The following MACROD2 variants were observed in gnomAD, a reference collection of about 807,000 sequenced individuals.
The protein encoded by MACROD2 is mono-ADP ribosylhydrolase 2.
MACROD2 carries 36 observed loss-of-function variants against 70.4 expected under a neutral mutation model. The observed-to-expected ratio is 0.51, with a 90% confidence interval of 0.39 to 0.68. The LOEUF is 0.68. Ranked by LOEUF, MACROD2 falls within the 30% of genes least tolerant of loss-of-function variation. The pLI, the probability that MACROD2 is intolerant of heterozygous loss-of-function variation, is 0.00. For synonymous variants in MACROD2, 172 were observed against 178.8 expected (o/e 0.96, Z 0.30); for missense variants, 496 against 538.4 (o/e 0.92, Z 0.78).
chr20:14,026,241 C>T (rs1262445654), intron 2 of MACROD2, among the ~76,000 whole-genome samples: 1 of 152,184 alleles, frequency 6.6e-6, no homozygotes, highest in Non-Finnish European at 1.5e-5. Flanking sequence ...TGTGTCTTTG[C>T]ATGTGAGATG....
chr20:14,579,165 C>G (rs1449983339), intron 4 of MACROD2, among the ~76,000 whole-genome samples: 13 of 120,656 alleles, frequency 1.1e-4, no homozygotes, highest in Non-Finnish European at 2.1e-4. Context: ...GACGGAGTCT[C>G]GCTCTGTCGC....
intron 3 of MACROD2, among the ~76,000 whole-genome samples, chr20:14,171,849 C>A (rs1477020839): frequency 6.6e-6 from 1 of 152,086 alleles, no homozygotes; most frequent in Non-Finnish European, 1.5e-5. Context: ...TCTGTTAAGT[C>A]CATTTGTTCT....
intron 3 of MACROD2, among the ~76,000 whole-genome samples, chr20:14,151,546 T>G (rs1041051327): frequency 1.3e-5 from 2 of 152,166 alleles, no homozygotes; most frequent in African/African-American, 4.8e-5. Flanking sequence ...GCCTTCCCCC[T>G]CTGATCTCAG....
At chr20:15,819,809 T>C (rs2063920056) in intron 8 of MACROD2, among the ~76,000 whole-genome samples, 1 of 151,988 alleles carries the variant, frequency 6.6e-6, no homozygotes, top group South Asian at 2.1e-4. Flanking sequence ...AGATACAAAG[T>C]GGCAGATATA....
At chr20:14,252,954 TA>T (rs2082024523) in intron 3 of MACROD2, among the ~76,000 whole-genome samples, 1 of 152,086 alleles carries the variant, frequency 6.6e-6, no homozygotes. Flanking sequence ...AGCATAAGAT[TA>T]AAATTATATA....
At chr20:15,510,770 A>G (rs2047488140) in intron 8 of MACROD2, among the ~76,000 whole-genome samples, 1 of 152,204 alleles carries the variant, frequency 6.6e-6, no homozygotes, top group African/African-American at 2.4e-5. Context: ...GTCTCTGGCC[A>G]TGCACCGCTG....
At chr20:15,741,092 C>CTTTTTTT (rs397865668) in intron 8 of MACROD2, among the ~76,000 whole-genome samples, 1 of 124,012 alleles carries the variant, frequency 8.1e-6, no homozygotes, top group African/African-American at 3.1e-5. Context: ...GTTATCATAT[C>CTTTTTTT]TTTTTTTTTT....
intron 8 of MACROD2, among the ~76,000 whole-genome samples, chr20:15,615,506 T>C (rs1036828620): frequency 1.1e-4 from 16 of 152,048 alleles, no homozygotes; most frequent in African/African-American, 3.6e-4. Flanking sequence ...CGTGGGGATG[T>C]GTCCATGGAG....
chr20:14,882,204 C>G (rs1443219011), intron 5 of MACROD2, among the ~76,000 whole-genome samples: 1 of 152,096 alleles, frequency 6.6e-6, no homozygotes, highest in Non-Finnish European at 1.5e-5. Context: ...AGAGCTTGGC[C>G]CAGTCACTGA....
intron 5 of MACROD2, among the ~76,000 whole-genome samples, chr20:15,043,421 C>T (rs573256869): frequency 6.6e-6 from 1 of 152,282 alleles, no homozygotes; most frequent in East Asian, 1.9e-4. Flanking sequence ...CTCCAGTGTC[C>T]ATTGGATTCC....
chr20:15,159,495 A>G (rs892184790), intron 5 of MACROD2, among the ~76,000 whole-genome samples: 1 of 152,136 alleles, frequency 6.6e-6, no homozygotes, highest in African/African-American at 2.4e-5. Flanking sequence ...GACAGAGGGT[A>G]AAGTTAAGGG....
chr20:14,678,358 A>T (rs539899791), intron 4 of MACROD2, among the ~76,000 whole-genome samples: 1 of 152,326 alleles, frequency 6.6e-6, no homozygotes, highest in Admixed American at 6.5e-5. Flanking sequence ...GCCCAGGAAT[A>T]AAACCAAATG....
intron 5 of MACROD2, among the ~76,000 whole-genome samples, chr20:15,102,939 C>T (rs1568574557): frequency 6.6e-6 from 1 of 151,884 alleles, no homozygotes; most frequent in Non-Finnish European, 1.5e-5. Context: ...GCAAGTTGAC[C>T]AAACTATTTA....
At chr20:14,550,831 A>C (rs1355633500) in intron 4 of MACROD2, among the ~76,000 whole-genome samples, 1 of 151,918 alleles carries the variant, frequency 6.6e-6, no homozygotes, top group Non-Finnish European at 1.5e-5. Flanking sequence ...GGCATAGTAG[A>C]GTGTGATTAG....
At chr20:15,231,206 A>C (rs921381566) in intron 6 of MACROD2, among the ~76,000 whole-genome samples, 1 of 152,010 alleles carries the variant, frequency 6.6e-6, no homozygotes, top group African/African-American at 2.4e-5. Context: ...TTATTAACAG[A>C]GCTGGATATT....
chr20:14,013,363 C>G (rs1237525187), intron 2 of MACROD2, among the ~76,000 whole-genome samples: 1 of 151,272 alleles, frequency 6.6e-6, no homozygotes, highest in Non-Finnish European at 1.5e-5. Flanking sequence ...AGCTCCGCCT[C>G]CCAGGTTCAT....
intron 8 of MACROD2, among the ~76,000 whole-genome samples, chr20:15,851,312 C>A (rs1408288847): frequency 6.6e-6 from 1 of 151,810 alleles, no homozygotes; most frequent in Non-Finnish European, 1.5e-5. Flanking sequence ...TCTACTCAGG[C>A]TGCCATCATA....
At chr20:14,303,781 G>A (rs1023072348) in intron 3 of MACROD2, among the ~76,000 whole-genome samples, 5 of 152,208 alleles carry the variant, frequency 3.3e-5, no homozygotes, top group South Asian at 2.1e-4. Context: ...AGCCCCCAAT[G>A]CATTTAAAGG....
intron 5 of MACROD2, among the ~76,000 whole-genome samples, chr20:14,743,473 A>T (rs906146960): frequency 1.3e-5 from 2 of 152,194 alleles, no homozygotes; most frequent in South Asian, 4.1e-4. Context: ...CTGGCTTTGA[A>T]GATGAAGGAA....
Sources: gnomAD v4.1 joint callset for allele counts (sites outside exome capture counted in the v4.1 genomes callset) on GRCh38, gnomAD v4.1.1 for gene constraint, MANE v1.5 for transcripts, NCBI Gene and HGNC (gene_info 2026-07-23, HGNC 2026-07-21) for gene names.